WIF1: variants seen among roughly 807,000 people sequenced by gnomAD.
WIF1 encodes Wnt inhibitory factor 1.
In WIF1, 35 loss-of-function variants were observed where a neutral mutation model predicts 53.5. The observed-to-expected ratio is 0.65, with a 90% CI of 0.50 to 0.87. WIF1 has a LOEUF of 0.87. Among genes scored for constraint, WIF1 ranks in the 40% least tolerant of loss-of-function variants. The pLI is 0.00. For synonymous variants in WIF1, 171 were observed against 170.4 expected, an observed-to-expected ratio of 1.00 and a Z score of -0.03; for missense variants, 467 against 476.8, an observed-to-expected ratio of 0.98 and a Z score of 0.19.
intron 2 of WIF1, among the ~76,000 whole-genome samples, chr12:65,088,776 T>C (rs1248675352): frequency 6.6e-6 from 1 of 152,110 alleles, no homozygotes; most frequent in Admixed American, 6.6e-5. Context: ...TCACATGCTC[T>C]TCTCTCTATA....
In WIF1 at chr12:65,051,409, C is replaced by G. The variant is rs148339341; in HGVS notation, c.1080G>C (p.Thr360=). 12 of 1,613,676 alleles carry G rather than the reference C, an allele frequency of 7.4e-6. No homozygotes were observed. The highest frequency in any genetic ancestry group is 1.3e-5 in the African/African-American group (1 of 75,042). The part of the protein sequence containing the change: ...RPAGAQLRQH[T]PSLKKAEERR... Reference sequence around the variant, plus strand: ...GCTCCTCGGCCTTTTTAAGTGAAGGCGTGTGCTGCCTGAGCTGGGCGCCTG... The same window carrying G: ...GCTCCTCGGCCTTTTTAAGTGAAGGGGTGTGCTGCCTGAGCTGGGCGCCTG... The change falls in exon 10 of 10, where the codon ACG becomes ACC. Residue 360 remains threonine (T), a synonymous_variant. Transcript: ENST00000286574.
chr12:65,090,136 G>C lies in WIF1; in HGVS notation c.289-12282C>G, dbSNP rs199601700. Among the ~76,000 whole-genome samples, 12 of 152,288 alleles carry C rather than the reference G, an allele frequency of 7.9e-5. No homozygotes were observed. The East Asian group carries it at 2.3e-3, about 29-fold the overall frequency. On this transcript the variant is annotated intron_variant, in intron 2 of 9. Transcript: ENST00000286574. Reference sequence around the variant, plus strand: ...GTAGACATTTGGGTCCCAGTCAACAGTCAGCGGGAGATGGGAAAAGGGGCC... The same window carrying C: ...GTAGACATTTGGGTCCCAGTCAACACTCAGCGGGAGATGGGAAAAGGGGCC...
At chr12:65,111,921 T>C (rs1883437554) in intron 2 of WIF1, among the ~76,000 whole-genome samples, 1 of 152,210 alleles carries the variant, frequency 6.6e-6, no homozygotes, top group Admixed American at 6.5e-5. Flanking sequence ...TTTCAAGAGA[T>C]GCCTAACAAT....
At chr12:65,076,835 A>G (rs967138173) in intron 3 of WIF1, among the ~76,000 whole-genome samples, 1 of 152,198 alleles carries the variant, frequency 6.6e-6, no homozygotes, top group Admixed American at 6.5e-5. Flanking sequence ...AAGAGCATTA[A>G]AAACAACTTT....
intron 3 of WIF1, among the ~76,000 whole-genome samples, chr12:65,075,770 CA>C (rs1279048480): frequency 2.0e-5 from 3 of 151,888 alleles, no homozygotes; most frequent in Non-Finnish European, 4.4e-5. Context: ...TAGGTTTGAC[CA>C]CATAGGATTT....
intron 2 of WIF1, among the ~76,000 whole-genome samples, chr12:65,101,579 T>C (rs1883282822): frequency 6.6e-6 from 1 of 152,240 alleles, no homozygotes; most frequent in African/African-American, 2.4e-5. Flanking sequence ...CAAAATTTGC[T>C]TTATTTTTGC....
intron 1 of WIF1, 81 bp from the exon 2 acceptor site, chr12:65,120,637 C>A: frequency 6.7e-7 from 1 of 1,502,156 alleles, no homozygotes; most frequent in Non-Finnish European, 9.0e-7. Context: ...AAAAGAAAAC[C>A]AAAGAATTAG....
intron 6 of WIF1, among the ~76,000 whole-genome samples, chr12:65,064,827 T>C (rs1242447900): frequency 6.6e-6 from 1 of 152,216 alleles, no homozygotes; most frequent in Non-Finnish European, 1.5e-5. Context: ...CACTCCATTA[T>C]GCAAACCACA....
chr12:65,074,817 C>CAAAAAAAA (rs758690202), intron 3 of WIF1, among the ~76,000 whole-genome samples: 115 of 54,288 alleles, frequency 2.1e-3, no homozygotes, highest in East Asian at 3.1e-3. Flanking sequence ...CACTCTGTCT[C>CAAAAAAAA]AAAAAAAAAA....
chr12:65,056,436 G>A (rs1372407337), intron 7 of WIF1, among the ~76,000 whole-genome samples: 1 of 107,956 alleles, frequency 9.3e-6, no homozygotes, highest in African/African-American at 3.6e-5. Flanking sequence ...TGTTGGCCAG[G>A]CTAGTCTTGA....
intron 7 of WIF1, among the ~76,000 whole-genome samples, chr12:65,057,819 C>T (rs1253372286): frequency 6.6e-6 from 1 of 152,138 alleles, no homozygotes; most frequent in Non-Finnish European, 1.5e-5. Context: ...TCTTGACAAA[C>T]AAGAAGTAAA....
At chr12:65,054,332 T>C (rs1882491948) in intron 9 of WIF1, among the ~76,000 whole-genome samples, 1 of 152,210 alleles carries the variant, frequency 6.6e-6, no homozygotes, top group East Asian at 1.9e-4. Flanking sequence ...TGAAACTGTG[T>C]TGTTTTGTTA....
At chr12:65,091,811 T>C (rs1883127017) in intron 2 of WIF1, among the ~76,000 whole-genome samples, 1 of 152,196 alleles carries the variant, frequency 6.6e-6, no homozygotes, top group Admixed American at 6.5e-5. Context: ...CTGATCTTTC[T>C]GTGTTCATGC....
At position 65,077,847 on chromosome 12, in the gene WIF1, T is replaced by C; in HGVS notation, c.296A>G (p.Tyr99Cys). The C allele has an allele frequency of 1.2e-6, 2 of 1,613,196 alleles. No individual in the cohort carries two copies. The highest frequency in any genetic ancestry group is 1.7e-6 in the Non-Finnish European group (2 of 1,179,488). Reference protein sequence around the residue: ...FTWQAAGQAEYFYEFLSLRSL... With the variant: ...FTWQAAGQAECFYEFLSLRSL... ...GCGCAAGGACAGGAATTCATAGAAG[T>C]ATTCTGCCTACAACCAAAGGCACTG... The change falls in exon 3 of 10, where the codon TAC (tyrosine) becomes TGC (cysteine). Residue 99 changes from tyrosine to cysteine, a missense_variant. Physicochemically the swap from Tyr to Cys is radical, Grantham distance 194. Transcript: ENST00000286574.
At chr12:65,101,578 C>T (rs1167625803) in intron 2 of WIF1, among the ~76,000 whole-genome samples, 1 of 152,074 alleles carries the variant, frequency 6.6e-6, no homozygotes, top group Non-Finnish European at 1.5e-5. Context: ...TCAAAATTTG[C>T]TTTATTTTTG....
At chr12:65,097,019 TAAA>T (rs11301288) in intron 2 of WIF1, among the ~76,000 whole-genome samples, 46 of 137,622 alleles carry the variant, frequency 3.3e-4, no homozygotes, top group Non-Finnish European at 2.5e-4. Flanking sequence ...TCCTGGAACT[TAAA>T]AAAAAAAAAA....
chr12:65,064,788 C>A (rs578193699), intron 6 of WIF1, among the ~76,000 whole-genome samples: 1 of 152,270 alleles, frequency 6.6e-6, no homozygotes, highest in South Asian at 2.1e-4. Context: ...GTTTGTGACA[C>A]CGTAGCACTA....
intron 3 of WIF1, among the ~76,000 whole-genome samples, chr12:65,070,069 C>G (rs1882749366): frequency 1.3e-5 from 2 of 152,148 alleles, no homozygotes; most frequent in Admixed American, 1.3e-4. Context: ...GATAAACTTT[C>G]TCCCTAGGTT....
At chr12:65,119,888 GC>G in intron 2 of WIF1, among the ~76,000 whole-genome samples, 1 of 152,188 alleles carries the variant, frequency 6.6e-6, no homozygotes, top group Non-Finnish European at 1.5e-5. Flanking sequence ...AACATAGGCT[GC>G]AATATTTTAT....
Sources: gnomAD v4.1 joint callset for allele counts (sites outside exome capture counted in the v4.1 genomes callset) on GRCh38, gnomAD v4.1.1 for gene constraint, MANE v1.5 for transcripts, NCBI Gene and HGNC (gene_info 2026-07-23, HGNC 2026-07-21) for gene names.